The following CACNA2D4 variants were observed in gnomAD, a reference collection of about 807,000 sequenced individuals.
CACNA2D4 encodes the protein voltage-dependent calcium channel subunit alpha-2/delta-4.
A neutral mutation model predicts 163.8 loss-of-function variants in CACNA2D4; 157 were observed. That is an observed-to-expected ratio of 0.96 (90% CI 0.84 to 1.09). CACNA2D4 has a LOEUF of 1.09. Ranked by LOEUF, CACNA2D4 falls within the 50% of genes least tolerant of loss-of-function variation. CACNA2D4 has a pLI of 0.00. For synonymous variants in CACNA2D4, 598 were observed against 586.9 expected (o/e 1.02, Z -0.27); for missense variants, 1,410 against 1,479.9 (o/e 0.95, Z 0.78).
chr12:1,840,712 C>G, intron 26 of CACNA2D4, 27 bp downstream of exon 26: 11 of 1,597,606 alleles, frequency 6.9e-6, no homozygotes, highest in Non-Finnish European at 9.4e-6. Context: ...AGCTTCCTGG[C>G]CTCAACACCA....
At chr12:1,910,014 G>C in intron 3 of CACNA2D4, 49 bp from the exon 4 acceptor site, 1 of 1,527,780 alleles carries the variant, frequency 6.5e-7, no homozygotes, top group Non-Finnish European at 9.1e-7. Context: ...AAGGAGCCCA[G>C]TGGGTTTTCA....
chr12:1,843,147 C>T lies in CACNA2D4; in HGVS notation c.2470+1255G>A, dbSNP rs1029174299. On this transcript the variant is annotated intron_variant, in intron 25 of 37. Transcript: ENST00000382722. The surrounding 1 kb of genome is among the most constrained non-coding windows in gnomAD (Gnocchi z 4.6). ...TTTTGTGAAGCATAGTAGTTATTTG[C>T]ACGTGTGTGGAGGGAACAGCACAGG... Among the ~76,000 whole-genome samples the T allele has an allele frequency of 2.0e-5, 3 of 152,140 alleles. No homozygotes were observed. The highest frequency in any genetic ancestry group is 7.2e-5 in the African/African-American group (3 of 41,434).
At chr12:1,813,499 T>G (rs573930407) in intron 26 of CACNA2D4, among the ~76,000 whole-genome samples, 4 of 152,320 alleles carry the variant, frequency 2.6e-5, no homozygotes, top group Admixed American at 2.6e-4. Context: ...CTAGCACGCC[T>G]GAGGACCCGA....
intron 28 of CACNA2D4, 55 bp downstream of exon 28, chr12:1,810,488 C>G: frequency 6.5e-7 from 1 of 1,541,004 alleles, no homozygotes; most frequent in Non-Finnish European, 8.8e-7. Flanking sequence ...GCCAGGAGGA[C>G]CGGGCGGAGG....
chr12:1,839,230 G>A (rs1211277896), intron 26 of CACNA2D4, among the ~76,000 whole-genome samples: 1 of 152,234 alleles, frequency 6.6e-6, no homozygotes, highest in Non-Finnish European at 1.5e-5. Context: ...CAAGGCAGGT[G>A]CCTGCCAGCT....
At chr12:1,890,278 A>T (rs1298284914) in intron 6 of CACNA2D4, among the ~76,000 whole-genome samples, 1 of 152,150 alleles carries the variant, frequency 6.6e-6, no homozygotes, top group Non-Finnish European at 1.5e-5. Context: ...ACAGCACGAT[A>T]TCAAGAGTCC....
chr12:1,797,586 G>T, intron 34 of CACNA2D4, 51 bp from the exon 35 acceptor site: 2 of 1,396,456 alleles, frequency 1.4e-6, no homozygotes. Flanking sequence ...CTGGCCTGCG[G>T]TGACCTCGCC....
intron 13 of CACNA2D4, 81 bp from the exon 14 acceptor site, chr12:1,879,962 G>A: frequency 1.2e-6 from 1 of 848,070 alleles, no homozygotes. Flanking sequence ...CCAGTGCGGA[G>A]AACCCACAGT....
At chr12:1,910,989 A>T (rs1233408587) in intron 3 of CACNA2D4, among the ~76,000 whole-genome samples, 1 of 151,360 alleles carries the variant, frequency 6.6e-6, no homozygotes, top group Non-Finnish European at 1.5e-5. Context: ...TAAATGGTCA[A>T]CTTTATGTCA....
chr12:1,834,961 G>C lies in CACNA2D4; in HGVS notation c.2551+5778C>G, dbSNP rs146521480. ...GGGCCAGTAAATCTTTGGAACATGT[G>C]GGGGATCTCCCTAAGCTCTGGCCAC... On this transcript the variant is annotated intron_variant, in intron 26 of 37. Transcript: ENST00000382722. This position sits in a 1 kb window ranked among gnomAD's most constrained non-coding sequence, Gnocchi z 7.6. 7 of 692,896 alleles carry C rather than the reference G, an allele frequency of 1.0e-5. No individual in the cohort carries two copies. The highest frequency in any genetic ancestry group is 2.9e-5 in the East Asian group (1 of 33,940). 42.9% of individuals were successfully genotyped at this position (692,896 alleles called of 1,614,324 possible).
intron 26 of CACNA2D4, chr12:1,831,605 G>C (rs922920046): frequency 7.9e-7 from 1 of 1,258,020 alleles, no homozygotes; most frequent in South Asian, 1.4e-5. Context: ...TGGTGGCTGG[G>C]TGCTGACTCA....
At chr12:1,827,921 C>A in intron 26 of CACNA2D4, 1 of 412,080 alleles carries the variant, frequency 2.4e-6, no homozygotes, top group Non-Finnish European at 4.3e-6. Flanking sequence ...TGAAGGCTTC[C>A]TGGCTCCTCT....
At chr12:1,906,766 A>G (rs985395067) in intron 6 of CACNA2D4, among the ~76,000 whole-genome samples, 1 of 152,238 alleles carries the variant, frequency 6.6e-6, no homozygotes, top group African/African-American at 2.4e-5. Context: ...AGGAGCTCTG[A>G]GTTCCCTTGG....
At chr12:1,891,193 C>T (rs1028979477) in intron 6 of CACNA2D4, among the ~76,000 whole-genome samples, 3 of 152,168 alleles carry the variant, frequency 2.0e-5, no homozygotes, top group African/African-American at 2.4e-5. Flanking sequence ...GACATGCATG[C>T]TCAGCCCACT....
chr12:1,860,972 G>A (rs1865512394), intron 18 of CACNA2D4, among the ~76,000 whole-genome samples: 1 of 152,196 alleles, frequency 6.6e-6, no homozygotes, highest in African/African-American at 2.4e-5. Context: ...TGTAAATCAG[G>A]ATTGTCCACG....
intron 23 of CACNA2D4, among the ~76,000 whole-genome samples, chr12:1,852,968 T>C (rs1000590294): frequency 6.6e-6 from 1 of 152,186 alleles, no homozygotes; most frequent in African/African-American, 2.4e-5. Context: ...AAATGGGTTA[T>C]ATACACTAAG....
At chr12:1,817,717 C>G (rs994019847) in intron 26 of CACNA2D4, among the ~76,000 whole-genome samples, 1 of 151,752 alleles carries the variant, frequency 6.6e-6, no homozygotes, top group African/African-American at 2.4e-5. Flanking sequence ...AGCTCCTAAC[C>G]GCGAGTGATC....
chr12:1,879,732 A>T, intron 14 of CACNA2D4, 72 bp downstream of exon 14: 1 of 1,247,080 alleles, frequency 8.0e-7, no homozygotes, highest in South Asian at 1.3e-5. Context: ...GTCAAGAATC[A>T]CTGGTCTAAA....
chr12:1,802,365 T>A lies in CACNA2D4; in HGVS notation c.2722-721A>T, dbSNP rs903449973. Among the ~76,000 whole-genome samples the A allele has an allele frequency of 6.6e-6, 1 of 152,186 alleles. No individual in the cohort carries two copies. Among genetic ancestry groups the A allele is most frequent in the Non-Finnish European group, 1.5e-5 (1 of 68,026 alleles). On this transcript the variant is annotated intron_variant, in intron 29 of 37. Coordinates refer to ENST00000382722, the MANE Select transcript of CACNA2D4 (RefSeq NM_172364.5). The surrounding 1 kb of genome is among the most constrained non-coding windows in gnomAD (Gnocchi z 4.7). ...CAACATGGATGGGTCACTCTTGCCT[T>A]CATTTCCAAAAAATAAAACAGGACC...
Sources: allele counts gnomAD v4.1 joint callset (sites outside exome capture counted in the v4.1 genomes callset), GRCh38; gene constraint gnomAD v4.1.1; non-coding constraint Gnocchi (gnomAD v3.1); transcripts MANE v1.5; gene names NCBI Gene and HGNC (gene_info 2026-07-23, HGNC 2026-07-21).